The following CHD1 variants were observed in gnomAD, a reference collection of about 807,000 sequenced individuals.
The protein encoded by CHD1 is ATP-dependent chromatin remodeler CHD1.
A neutral mutation model predicts 224.2 loss-of-function variants in CHD1; 36 were observed. The ratio of observed to expected loss-of-function variants is 0.16; its 90% confidence interval spans 0.12 to 0.21. The LOEUF is 0.21. Among genes scored for constraint, CHD1 ranks in the 10% least tolerant of loss-of-function variants. The probability of loss-of-function intolerance (pLI) is 1.00; values close to 1 mark genes in which losing one functional copy is unlikely to be tolerated. For synonymous variants in CHD1, 668 were observed against 658.3 expected, an observed-to-expected ratio of 1.01 and a Z score of -0.23; for missense variants, 1,378 against 1,994.8, an observed-to-expected ratio of 0.69 and a Z score of 5.89.
intron 2 of CHD1, among the ~76,000 whole-genome samples, chr5:98,919,500 G>A (rs1056739593): frequency 6.6e-6 from 1 of 152,080 alleles, no homozygotes; most frequent in South Asian, 2.1e-4. Context: ...TGTAAACACC[G>A]TATTTTAGTT....
intron 17 of CHD1, 151 bp downstream of exon 17, chr5:98,887,937 C>T: frequency 9.1e-6 from 4 of 440,270 alleles, no homozygotes; most frequent in Non-Finnish European, 1.5e-5. Context: ...CCGGGAATGA[C>T]AAATATTTTT....
At chr5:98,927,853 T>C (rs1753580252) in intron 1 of CHD1, among the ~76,000 whole-genome samples, 1 of 152,152 alleles carries the variant, frequency 6.6e-6, no homozygotes, top group Admixed American at 6.5e-5. Context: ...TCTGAGACCC[T>C]TTTCACAACC....
chr5:98,865,306 C>T (rs775696480), intron 31 of CHD1, among the ~76,000 whole-genome samples: 1 of 152,138 alleles, frequency 6.6e-6, no homozygotes, highest in African/African-American at 2.4e-5. Context: ...CTAGATGCTA[C>T]GAGGCTGGTT....
chr5:98,894,557 A>G, intron 13 of CHD1, 40 bp downstream of exon 13: 1 of 745,800 alleles, frequency 1.3e-6, no homozygotes. Context: ...GAAAAAACTG[A>G]TATACAAGAG....
Position 98,892,725 on chromosome 5 carries a change from A to G in CHD1, c.1992-12T>C, listed in dbSNP as rs374121115. 275 of 1,548,942 alleles carry G rather than the reference A, an allele frequency of 1.8e-4. No individual in the cohort carries two copies. Among genetic ancestry groups the G allele is most frequent in the Non-Finnish European group, 2.2e-4 (249 of 1,141,724 alleles). On this transcript the variant is annotated splice_polypyrimidine_tract_variant and intron_variant, in intron 14 of 35. Coordinates refer to ENST00000614616, the MANE Select transcript of CHD1 (RefSeq NM_001270.4). ...CCCAGGAAGAAAACCTTTAAAATTT[A>G]AGAAATTGGAACAATTACTAGAAAA...
intron 5 of CHD1, among the ~76,000 whole-genome samples, chr5:98,902,452 G>A (rs978060896): frequency 5.9e-5 from 9 of 151,888 alleles, no homozygotes; most frequent in African/African-American, 2.2e-4. Flanking sequence ...ATACTTTCTG[G>A]GTCCAGATCT....
At chr5:98,913,920 GTAGT>G (rs1752584124) in intron 2 of CHD1, among the ~76,000 whole-genome samples, 2 of 152,102 alleles carry the variant, frequency 1.3e-5, no homozygotes, top group Middle Eastern at 3.4e-3. Context: ...GATGAGAGTA[GTAGT>G]TTTTTTTTTA....
At chr5:98,903,230 T>C (rs1751837796) in intron 4 of CHD1, among the ~76,000 whole-genome samples, 2 of 152,202 alleles carry the variant, frequency 1.3e-5, no homozygotes, top group Non-Finnish European at 2.9e-5. Context: ...AGACCATTAT[T>C]GTTGCCTAGT....
rs139359875 is a variant in CHD1 at position 98,887,260 on chromosome 5, C to T, written c.2496+828G>A. On this transcript the variant is annotated intron_variant, in intron 17 of 35. Coordinates refer to ENST00000614616, the MANE Select transcript of CHD1 (RefSeq NM_001270.4). ...TCAATGATATTCCTATCACCAAATACCTGTCCTTCTTCACAACACTTACCA... is the reference window on the plus strand; with the variant it reads ...TCAATGATATTCCTATCACCAAATATCTGTCCTTCTTCACAACACTTACCA... 3.3e-4 allele frequency among the ~76,000 whole-genome samples: 50 copies of T among 152,234 alleles called. 1 individual carries two copies. The highest frequency in any genetic ancestry group is 1.2e-4 in the Non-Finnish European group (8 of 67,976).
intron 15 of CHD1, among the ~76,000 whole-genome samples, chr5:98,890,465 A>AT (rs1178760636): frequency 2.6e-5 from 4 of 152,158 alleles, no homozygotes; most frequent in Non-Finnish European, 4.4e-5. Flanking sequence ...AGAGGTAAAA[A>AT]TTCTAAGAAT....
intron 2 of CHD1, among the ~76,000 whole-genome samples, chr5:98,917,299 C>CCAAAAAAAAAAAAAAAA (rs775841258): frequency 3.2e-4 from 38 of 119,836 alleles, no homozygotes; most frequent in African/African-American, 1.4e-3. Context: ...AACAAAGAAA[C>CCAAAAAAAAAAAAAAAA]AAAAAAAAAA....
intron 2 of CHD1, among the ~76,000 whole-genome samples, chr5:98,921,184 T>C (rs1246252786): frequency 6.6e-6 from 1 of 152,244 alleles, no homozygotes; most frequent in African/African-American, 2.4e-5. Context: ...CAATGCCCTA[T>C]GTGCATCATG....
chr5:98,902,430 G>A (rs79403350), intron 5 of CHD1, among the ~76,000 whole-genome samples: 4,186 of 152,102 alleles, frequency 0.028, 77 homozygotes, highest in Non-Finnish European at 0.04. Context: ...TTGAGAATCT[G>A]AAGTATTCTT....
intron 31 of CHD1, among the ~76,000 whole-genome samples, chr5:98,867,197 A>G (rs1748940412): frequency 6.6e-6 from 1 of 152,170 alleles, no homozygotes; most frequent in East Asian, 1.9e-4. Context: ...CATAAATTAT[A>G]ATTATCTTCA....
intron 31 of CHD1, 139 bp downstream of exon 31, chr5:98,868,356 C>T (rs1011218499): frequency 3.6e-6 from 2 of 556,126 alleles, no homozygotes; most frequent in Non-Finnish European, 5.6e-6. Context: ...AAAAAAGACA[C>T]CCTTCAAATT....
At chr5:98,875,906 A>C (rs1749712388) in intron 24 of CHD1, among the ~76,000 whole-genome samples, 1 of 152,180 alleles carries the variant, frequency 6.6e-6, no homozygotes, top group African/African-American at 2.4e-5. Flanking sequence ...CTGAATGGAC[A>C]CTACAATAAA....
intron 16 of CHD1, among the ~76,000 whole-genome samples, chr5:98,888,532 A>G (rs1561513651): frequency 6.6e-6 from 1 of 152,204 alleles, no homozygotes; most frequent in Non-Finnish European, 1.5e-5. Context: ...CAAAAATCTT[A>G]GCTGAAGAAC....
Position 98,873,577 on chromosome 5 carries a change from C to G in CHD1, c.3571+16G>C, listed in dbSNP as rs777601595. ...TCATTTACTTCTCTTTTAAATCACT[C>G]TCAGTTTAATGTTACCTGTTCGTTC... On this transcript the variant is annotated intron_variant, in intron 26 of 35. Coordinates refer to ENST00000614616, the MANE Select transcript of CHD1 (RefSeq NM_001270.4). 4 of 1,552,512 alleles carry G rather than the reference C, an allele frequency of 2.6e-6. No individual in the cohort carries two copies. The South Asian group carries it at 5.0e-5, about 19-fold the overall frequency.
Position 98,879,728 on chromosome 5 carries a change from C to A in CHD1, c.3061G>T (p.Val1021Phe). The A allele has an allele frequency of 6.4e-7, 1 of 1,574,112 alleles. No individual in the cohort carries two copies. Among genetic ancestry groups the A allele is most frequent in the Non-Finnish European group, 8.6e-7 (1 of 1,166,148 alleles). ...VGDELLSQFK[V>F]ANFSNMDEDD... ...TCATCCATATTTGAGAAGTTGGCAA[C>A]CTGATAAATTTCAGAATTTTAAGAG... The change falls in exon 23 of 36, where the codon GTT (valine) becomes TTT (phenylalanine). Residue 1021 changes from valine (V) to phenylalanine (F), a missense_variant and splice_region_variant. Coordinates refer to ENST00000614616, the MANE Select transcript of CHD1 (RefSeq NM_001270.4).
Sources: gnomAD v4.1 joint callset for allele counts (sites outside exome capture counted in the v4.1 genomes callset) on GRCh38, gnomAD v4.1.1 for gene constraint, MANE v1.5 for transcripts, NCBI Gene and HGNC (gene_info 2026-07-23, HGNC 2026-07-21) for gene names.